PPP1R1A: variants seen among roughly 807,000 people sequenced by gnomAD.
PPP1R1A encodes protein phosphatase 1 regulatory inhibitor subunit 1A.
A neutral mutation model predicts 23.9 loss-of-function variants in PPP1R1A; 18 were observed. The ratio of observed to expected loss-of-function variants is 0.75; its 90% CI spans 0.52 to 1.12. The LOEUF (loss-of-function observed/expected upper bound fraction) is 1.12. Among genes scored for constraint, PPP1R1A ranks in the 50% most tolerant of loss-of-function variants. The pLI is 0.00. For synonymous variants in PPP1R1A, 84 were observed against 80.7 expected (o/e 1.04, Z -0.22); for missense variants, 207 against 223.8 (o/e 0.92, Z 0.48).
chr12:54,581,932 G>T lies in PPP1R1A; in HGVS notation c.403+44C>A. ...GTGGGTAAGGCTTGCCTCCTGCTGG[G>T]CTGGGAAATAGGATGCCTGGGGCCC... is the stretch of plus-strand genomic sequence containing the variant. On this transcript the variant is annotated intron_variant, in intron 5 of 6. Transcript: ENST00000257905. This position sits in a 1 kb window ranked among gnomAD's most constrained non-coding sequence, Gnocchi z 4.1. The T allele has an allele frequency of 6.4e-7, 1 of 1,573,328 alleles. No homozygotes were observed. Among genetic ancestry groups the T allele is most frequent in the South Asian group, 1.2e-5 (1 of 84,038 alleles).
intron 2 of PPP1R1A, 94 bp downstream of exon 2, chr12:54,584,166 G>T: frequency 1.6e-6 from 2 of 1,254,718 alleles, no homozygotes; most frequent in South Asian, 1.3e-5. Context: ...CGCCTTCTCA[G>T]AGCTGTTCTT....
Position 54,579,655 on chromosome 12 carries a change from C to T in PPP1R1A, c.*732G>A. The stretch of plus-strand genomic sequence containing the variant: ...CAATGTCTAGGACAAGGGAACCCTT[C>T]CAGTCTCCAGCATGGGCCTCTTCAT... On this transcript the variant is annotated 3_prime_UTR_variant, in exon 7 of 7. Coordinates refer to ENST00000257905, the MANE Select transcript of PPP1R1A (RefSeq NM_006741.4). 1 of 985,466 alleles carries T rather than the reference C, an allele frequency of 1.0e-6. No individual in the cohort carries two copies. The highest frequency in any genetic ancestry group is 4.7e-5 in the South Asian group (1 of 21,276). 61.0% of individuals were successfully genotyped at this position (985,466 alleles called of 1,614,324 possible).
In PPP1R1A at chr12:54,582,132, C is replaced by T; in HGVS notation, c.248-1G>A. ...TGATGTTCAACCATCATCTGGAGCT[C>T]TGGGGACACAGAGAAAGGGAGGGAA... On this transcript the variant is annotated splice_acceptor_variant, in intron 4 of 6. Transcript: ENST00000257905. LOFTEE classifies it high-confidence loss of function. 6.2e-7 allele frequency: 1 copy of T among 1,612,108 alleles called. No individual in the cohort carries two copies. Among genetic ancestry groups the T allele is most frequent in the Non-Finnish European group, 8.5e-7 (1 of 1,179,014 alleles).
chr12:54,584,164 C>T lies in PPP1R1A; in HGVS notation c.145+96G>A. 6.4e-6 allele frequency: 8 copies of T among 1,248,372 alleles called. No homozygotes were observed. The South Asian group carries it at 9.0e-5, about 14-fold the overall frequency. The allele number at this position is 1,248,372 out of a possible 1,614,324, so 77.3% of individuals were successfully genotyped here. On this transcript the variant is annotated intron_variant, in intron 2 of 6. Transcript: ENST00000257905. ...AGTACTGAGGACATCCCCGCCTTCT[C>T]AGAGCTGTTCTTCTTCCATCTAGCG...
rs1277655439 is a variant in PPP1R1A at position 54,581,333 on chromosome 12, C to T, written c.404-283G>A. Among the ~76,000 whole-genome samples the T allele has an allele frequency of 6.6e-6, 1 of 152,200 alleles. No individual in the cohort carries two copies. Among genetic ancestry groups the T allele is most frequent in the Non-Finnish European group, 1.5e-5 (1 of 68,028 alleles). ...AAACCTGACATGAACTCATAGGAGG[C>T]TGTTTTTAGTCTTTATTCTGCTTAG... On this transcript the variant is annotated intron_variant, in intron 5 of 6. Coordinates refer to ENST00000257905, the MANE Select transcript of PPP1R1A (RefSeq NM_006741.4). The surrounding 1 kb of genome is among the most constrained non-coding windows in gnomAD (Gnocchi z 4.1).
chr12:54,588,385 C>A lies in PPP1R1A; in HGVS notation c.84+20G>T. 1.3e-6 allele frequency: 2 copies of A among 1,492,302 alleles called. No individual in the cohort carries two copies. The highest frequency in any genetic ancestry group is 2.2e-5 in the Admixed American group (1 of 45,394). 92.4% of individuals were successfully genotyped at this position (1,492,302 alleles called of 1,614,324 possible). A position where few individuals can be genotyped will look rare whatever the true frequency, so the allele number is the denominator to read the frequency against. ...GTCCTTGGCTGGGCGAGTGCCCTGC[C>A]GCCCCGCCCTGCTCCGCACCTGCTC... On this transcript the variant is annotated intron_variant, in intron 1 of 6. Transcript: ENST00000257905.
At chr12:54,587,134 T>C (rs1957918437) in intron 1 of PPP1R1A, among the ~76,000 whole-genome samples, 1 of 152,178 alleles carries the variant, frequency 6.6e-6, no homozygotes, top group Non-Finnish European at 1.5e-5. Context: ...CGCAGGTACC[T>C]AACCCTATCT....
chr12:54,585,516 G>A (rs1592184053), intron 1 of PPP1R1A, among the ~76,000 whole-genome samples: 1 of 152,178 alleles, frequency 6.6e-6, no homozygotes, highest in East Asian at 1.9e-4. Flanking sequence ...GAAGCAAGTG[G>A]AAGGATGGGG....
At chr12:54,584,036 G>C (rs1165139102) in intron 2 of PPP1R1A, among the ~76,000 whole-genome samples, 5 of 152,178 alleles carry the variant, frequency 3.3e-5, no homozygotes, top group Non-Finnish European at 7.3e-5. Flanking sequence ...CCCAATTCCT[G>C]GGGGGCTTAG....
chr12:54,585,414 C>T (rs966119371), intron 1 of PPP1R1A, among the ~76,000 whole-genome samples: 7 of 152,122 alleles, frequency 4.6e-5, no homozygotes, highest in Admixed American at 1.3e-4. Flanking sequence ...TCTTTTGTCA[C>T]GCTGCCAATA....
At chr12:54,583,435 C>T (rs534563829) in intron 2 of PPP1R1A, among the ~76,000 whole-genome samples, 187 bp from the exon 3 acceptor site, 1 of 152,302 alleles carries the variant, frequency 6.6e-6, no homozygotes, top group South Asian at 2.1e-4. Flanking sequence ...CCTGTGCTTC[C>T]GCTGCCTCCA....
chr12:54,583,142 T>C, intron 3 of PPP1R1A, 69 bp downstream of exon 3: 1 of 1,467,492 alleles, frequency 6.8e-7, no homozygotes, highest in Non-Finnish European at 9.2e-7. Context: ...GCGGCAGGGT[T>C]TTAAGGAATA....
rs1957858527 is a variant in PPP1R1A, at chr12:54,581,901, C to T, written c.403+75G>A. The T allele has an allele frequency of 2.0e-6, 3 of 1,503,446 alleles. No individual in the cohort carries two copies. The highest frequency in any genetic ancestry group is 2.8e-5 in the African/African-American group (2 of 71,534). The allele number at this position is 1,503,446 out of a possible 1,614,324, so 93.1% of individuals were successfully genotyped here. A position where few individuals can be genotyped will look rare whatever the true frequency, so the allele number is the denominator to read the frequency against. ...TCCCAGGCTCCAACTCTTTCCCCTC[C>T]CCGCAGTGGGTAAGGCTTGCCTCCT... On this transcript the variant is annotated intron_variant, in intron 5 of 6. Transcript: ENST00000257905. This position sits in a 1 kb window ranked among gnomAD's most constrained non-coding sequence, Gnocchi z 4.1.
chr12:54,580,414 A>T, intron 6 of PPP1R1A, 22 bp from the exon 7 acceptor site: 10 of 1,606,816 alleles, frequency 6.2e-6, no homozygotes, highest in Non-Finnish European at 8.5e-6. Context: ...GAAAGGGGAC[A>T]GAAAGAGAAG....
Position 54,588,644 on chromosome 12 carries a change from C to T in PPP1R1A, c.-156G>A. 4.0e-6 allele frequency: 1 copy of T among 252,394 alleles called. No individual in the cohort carries two copies. Among genetic ancestry groups the T allele is most frequent in the Non-Finnish European group, 7.1e-6 (1 of 139,964 alleles). The allele number at this position is 252,394 out of a possible 1,614,324, so 15.6% of individuals were successfully genotyped here. A position where few individuals can be genotyped will look rare whatever the true frequency, so the allele number is the denominator to read the frequency against. On this transcript the variant is annotated 5_prime_UTR_variant, in exon 1 of 7. Coordinates refer to ENST00000257905, the MANE Select transcript of PPP1R1A (RefSeq NM_006741.4). ...CTCCCGGCACAGCGCTCCCAGCTCG[C>T]GGCTCCGGGGACTCTGCCGCCGCCG...
intron 1 of PPP1R1A, 48 bp downstream of exon 1, chr12:54,588,357 C>G: frequency 6.8e-7 from 1 of 1,463,462 alleles, no homozygotes; most frequent in Non-Finnish European, 9.2e-7. Flanking sequence ...CCAGGGGTCC[C>G]TCGTCCTTGG....
chr12:54,588,523 C>T lies in PPP1R1A; in HGVS notation c.-35G>A, dbSNP rs1957935323. On this transcript the variant is annotated 5_prime_UTR_variant, in exon 1 of 7. Coordinates refer to ENST00000257905, the MANE Select transcript of PPP1R1A (RefSeq NM_006741.4). ...GGCGGCCGGTGGGCCCGCGCTGCGG[C>T]GGGAGGGAAGGCGGCGGGACTCGGG... is the stretch of plus-strand genomic sequence containing the variant. The T allele has an allele frequency of 5.4e-6, 7 of 1,288,048 alleles. No individual in the cohort carries two copies. Among genetic ancestry groups the T allele is most frequent in the East Asian group, 6.4e-5 (2 of 31,212 alleles). The allele number at this position is 1,288,048 out of a possible 1,614,324, so 79.8% of individuals were successfully genotyped here. A position where few individuals can be genotyped will look rare whatever the true frequency, so the allele number is the denominator to read the frequency against.
At position 54,588,370 on chromosome 12, in the gene PPP1R1A, G is replaced by A. The variant is rs1487060392; in HGVS notation, c.84+35C>T. The A allele has an allele frequency of 2.0e-6, 3 of 1,482,588 alleles. No individual in the cohort carries two copies. The African/African-American group carries it at 4.4e-5, about 22-fold the overall frequency. 91.8% of individuals were successfully genotyped at this position (1,482,588 alleles called of 1,614,324 possible). ...GTCCAGGGGTCCCTCGTCCTTGGCT[G>A]GGCGAGTGCCCTGCCGCCCCGCCCT... On this transcript the variant is annotated intron_variant, in intron 1 of 6. Coordinates refer to ENST00000257905, the MANE Select transcript of PPP1R1A (RefSeq NM_006741.4).
chr12:54,584,481 G>A (rs1443192420), intron 1 of PPP1R1A, among the ~76,000 whole-genome samples, 161 bp from the exon 2 acceptor site: 1 of 152,164 alleles, frequency 6.6e-6, no homozygotes, highest in Non-Finnish European at 1.5e-5. Flanking sequence ...GCAAACTTAT[G>A]CAGAAACAGA....
Sources: gnomAD v4.1 joint callset for allele counts (sites outside exome capture counted in the v4.1 genomes callset) on GRCh38, gnomAD v4.1.1 for gene constraint, Gnocchi (gnomAD v3.1) non-coding constraint, MANE v1.5 for transcripts, NCBI Gene and HGNC (gene_info 2026-07-23, HGNC 2026-07-21) for gene names.